Variants in GALNTL6 observed in about 807,000 individuals in gnomAD.
The protein encoded by GALNTL6 is polypeptide N-acetylgalactosaminyltransferase like 6.
In GALNTL6, 46 loss-of-function variants were observed where a neutral mutation model predicts 73.7. That is an observed-to-expected ratio of 0.62 (90% CI 0.49 to 0.80). The LOEUF is 0.80. GALNTL6 is among the 30% of genes least tolerant of loss of function. GALNTL6 has a pLI of 0.00. For synonymous variants in GALNTL6, 259 were observed against 263.7 expected, an observed-to-expected ratio of 0.98 and a Z score of 0.17; for missense variants, 604 against 755.0, an observed-to-expected ratio of 0.80 and a Z score of 2.34.
At chr4:173,018,698 G>C (rs1331166174) in intron 11 of GALNTL6, among the ~76,000 whole-genome samples, 1 of 152,216 alleles carries the variant, frequency 6.6e-6, no homozygotes, top group African/African-American at 2.4e-5. Context: ...CAACCAGAGG[G>C]ATTTACGTGA....
intron 10 of GALNTL6, among the ~76,000 whole-genome samples, chr4:172,977,183 G>A (rs17254611): frequency 0.097 from 14,808 of 152,256 alleles, 923 homozygotes; most frequent in Non-Finnish European, 0.15. Flanking sequence ...CACATTATCA[G>A]GGAGGCCAGT....
intron 7 of GALNTL6, among the ~76,000 whole-genome samples, chr4:172,863,641 A>G (rs896053489): frequency 2.0e-5 from 3 of 152,312 alleles, no homozygotes; most frequent in Admixed American, 6.5e-5. Flanking sequence ...TTTTGATTTT[A>G]CAGGCTCAGA....
At chr4:172,588,147 T>C (rs968256568) in intron 5 of GALNTL6, among the ~76,000 whole-genome samples, 20 of 152,142 alleles carry the variant, frequency 1.3e-4, no homozygotes, top group Admixed American at 5.9e-4. Flanking sequence ...CCCAGCACAC[T>C]ATAGATCCAA....
intron 5 of GALNTL6, among the ~76,000 whole-genome samples, chr4:172,540,172 T>C (rs553456256): frequency 6.6e-6 from 1 of 150,678 alleles, no homozygotes; most frequent in African/African-American, 2.4e-5. Flanking sequence ...TGCCTCAGCC[T>C]CCCGAGTAGC....
intron 7 of GALNTL6, among the ~76,000 whole-genome samples, chr4:172,879,066 A>G (rs1745328570): frequency 1.3e-5 from 2 of 151,910 alleles, no homozygotes; most frequent in African/African-American, 4.8e-5. Context: ...CAAGAACAAC[A>G]ACAACAACAA....
At chr4:172,190,439 TATAGTAG>T (rs1476694399) in intron 2 of GALNTL6, among the ~76,000 whole-genome samples, 3 of 152,056 alleles carry the variant, frequency 2.0e-5, no homozygotes, top group Non-Finnish European at 4.4e-5. Flanking sequence ...TGTTTTCAAC[TATAGTAG>T]AGGGATTTGA....
intron 7 of GALNTL6, among the ~76,000 whole-genome samples, chr4:172,819,337 A>G (rs1238577193): frequency 6.6e-6 from 1 of 152,256 alleles, no homozygotes; most frequent in Non-Finnish European, 1.5e-5. Flanking sequence ...TGTGAAAGTC[A>G]GTGGTTCTTA....
intron 5 of GALNTL6, among the ~76,000 whole-genome samples, chr4:172,611,350 A>G (rs1738521266): frequency 6.6e-6 from 1 of 152,036 alleles, no homozygotes; most frequent in Admixed American, 6.6e-5. Context: ...CATTACCTTA[A>G]GGACCTCTCA....
intron 2 of GALNTL6, among the ~76,000 whole-genome samples, chr4:171,820,734 A>G (rs930438454): frequency 1.3e-5 from 2 of 152,186 alleles, no homozygotes; most frequent in African/African-American, 4.8e-5. Flanking sequence ...TATGGCACAG[A>G]TTATAAATAG....
At chr4:171,926,613 T>G (rs1217981988) in intron 2 of GALNTL6, among the ~76,000 whole-genome samples, 2 of 152,098 alleles carry the variant, frequency 1.3e-5, no homozygotes, top group African/African-American at 4.8e-5. Flanking sequence ...TTCACTAGCA[T>G]TTGTTATTTA....
At chr4:172,658,347 T>G (rs1448413285) in intron 5 of GALNTL6, among the ~76,000 whole-genome samples, 140 of 125,270 alleles carry the variant, frequency 1.1e-3, no homozygotes, top group East Asian at 3.4e-3. Flanking sequence ...GACGCCTGTA[T>G]TCCCAGCTAC....
intron 2 of GALNTL6, among the ~76,000 whole-genome samples, chr4:172,100,636 T>A (rs1732484289): frequency 6.6e-6 from 1 of 152,196 alleles, no homozygotes; most frequent in South Asian, 2.1e-4. Context: ...AGGCATAGTG[T>A]AATGTGATTT....
chr4:172,369,512 G>A (rs550094932), intron 5 of GALNTL6, among the ~76,000 whole-genome samples: 104 of 152,310 alleles, frequency 6.8e-4, no homozygotes, highest in Admixed American at 1.9e-3. Flanking sequence ...AGTGGGCGCC[G>A]CGGAGCAGGG....
At chr4:172,678,998 T>C (rs1261339083) in intron 5 of GALNTL6, among the ~76,000 whole-genome samples, 1 of 152,194 alleles carries the variant, frequency 6.6e-6, no homozygotes, top group Non-Finnish European at 1.5e-5. Context: ...ATGAACAATA[T>C]AAAATGAATG....
In GALNTL6 at chr4:172,206,955, C is replaced by T. The variant is rs374731852; in HGVS notation, c.139-22701C>T. The stretch of plus-strand genomic sequence containing the variant: ...GCCTCAGCCTCCCGAGTAGCTGGGA[C>T]TACAGGCACCCACCACCACGCCCGG... On this transcript the variant is annotated intron_variant, in intron 2 of 12. Transcript: ENST00000506823. Among the ~76,000 whole-genome samples the T allele has an allele frequency of 1.2e-4, 18 of 151,146 alleles. 1 individual carries two copies. Among genetic ancestry groups the T allele is most frequent in the African/African-American group, 3.6e-4 (15 of 41,222 alleles).
intron 5 of GALNTL6, among the ~76,000 whole-genome samples, chr4:172,536,910 C>A (rs1183965194): frequency 6.6e-6 from 1 of 152,100 alleles, no homozygotes; most frequent in Non-Finnish European, 1.5e-5. Context: ...GACATGGAGT[C>A]AAAGGAGATC....
At chr4:172,287,639 T>C (rs929909665) in intron 3 of GALNTL6, among the ~76,000 whole-genome samples, 2 of 152,202 alleles carry the variant, frequency 1.3e-5, no homozygotes, top group Non-Finnish European at 2.9e-5. Flanking sequence ...TGTCAGCTTA[T>C]TATCCAAAAA....
chr4:172,414,903 G>A (rs1744570795), intron 5 of GALNTL6, among the ~76,000 whole-genome samples: 1 of 152,014 alleles, frequency 6.6e-6, no homozygotes, highest in South Asian at 2.1e-4. Context: ...TTAATGTGAA[G>A]GTATTATTGA....
intron 2 of GALNTL6, among the ~76,000 whole-genome samples, chr4:171,885,680 C>G (rs1736589158): frequency 6.6e-6 from 1 of 152,050 alleles, no homozygotes; most frequent in African/African-American, 2.4e-5. Flanking sequence ...GTGGCACACA[C>G]CTGTGTTCCC....
Sources: gnomAD v4.1 joint callset for allele counts (sites outside exome capture counted in the v4.1 genomes callset) on GRCh38, gnomAD v4.1.1 for gene constraint, MANE v1.5 for transcripts, NCBI Gene and HGNC (gene_info 2026-07-23, HGNC 2026-07-21) for gene names.